The following EMSY variants were observed in gnomAD, a reference collection of about 807,000 sequenced individuals.
The protein encoded by EMSY is EMSY transcriptional repressor, BRCA2 interacting.
EMSY carries 26 observed loss-of-function variants against 134.6 expected under a neutral mutation model. The observed-to-expected ratio is 0.19, with a 90% CI of 0.14 to 0.27. The LOEUF (loss-of-function observed/expected upper bound fraction) is 0.27. Among genes scored for constraint, EMSY ranks in the 10% least tolerant of loss-of-function variants. EMSY has a pLI of 1.00. For synonymous variants in EMSY, 579 were observed against 577.8 expected, an observed-to-expected ratio of 1.00 and a Z score of -0.03; for missense variants, 1,305 against 1,611.4, an observed-to-expected ratio of 0.81 and a Z score of 3.26.
intron 8 of EMSY, among the ~76,000 whole-genome samples, chr11:76,482,446 A>G (rs1409951222): frequency 6.6e-6 from 1 of 152,026 alleles, no homozygotes; most frequent in Admixed American, 6.6e-5. Flanking sequence ...ATATTAACAA[A>G]CCTCCCCGAG....
At chr11:76,498,625 A>G (rs1949739334) in intron 9 of EMSY, among the ~76,000 whole-genome samples, 1 of 152,108 alleles carries the variant, frequency 6.6e-6, no homozygotes, top group South Asian at 2.1e-4. Context: ...TTAAATATAA[A>G]GGCTGATTTT....
At chr11:76,493,632 C>G (rs979649797) in intron 8 of EMSY, among the ~76,000 whole-genome samples, 4 of 152,196 alleles carry the variant, frequency 2.6e-5, no homozygotes, top group African/African-American at 9.6e-5. Context: ...AAAGGAGCTA[C>G]CCACTGTGGG....
At position 76,525,285 on chromosome 11, in the gene EMSY, G is replaced by C. The variant is rs565940922; in HGVS notation, c.1822-1177G>C. On this transcript the variant is annotated intron_variant, in intron 12 of 20. Transcript: ENST00000334736. Reference sequence around the variant, plus strand: ...GAAGAGTATGCATGTGTTGAAATAAGTAATAACACCATTGGCAGATGCTTC... The same window carrying C: ...GAAGAGTATGCATGTGTTGAAATAACTAATAACACCATTGGCAGATGCTTC... 3.0e-4 allele frequency among the ~76,000 whole-genome samples: 46 copies of C among 152,324 alleles called. 1 individual carries two copies. Among genetic ancestry groups the C allele is most frequent in the South Asian group, 6.2e-4 (3 of 4,824 alleles).
chr11:76,459,862 A>G, intron 5 of EMSY, 71 bp from the exon 7 acceptor site: 1 of 1,564,834 alleles, frequency 6.4e-7, no homozygotes, highest in Non-Finnish European at 8.7e-7. Context: ...GCCTGCAATA[A>G]AAATAATTTT....
At chr11:76,494,539 A>T (rs886264220) in intron 8 of EMSY, among the ~76,000 whole-genome samples, 3 of 152,182 alleles carry the variant, frequency 2.0e-5, no homozygotes, top group African/African-American at 7.2e-5. Flanking sequence ...CAGAACATAC[A>T]TGTTACTAGT....
intron 9 of EMSY, among the ~76,000 whole-genome samples, chr11:76,506,041 C>T (rs1338067344): frequency 6.6e-6 from 1 of 151,924 alleles, no homozygotes; most frequent in Non-Finnish European, 1.5e-5. Flanking sequence ...GTGGCATATG[C>T]TTGTAGTCTC....
intron 7 of EMSY, among the ~76,000 whole-genome samples, chr11:76,471,289 T>C (rs1007024169): frequency 2.0e-5 from 3 of 152,182 alleles, no homozygotes; most frequent in Non-Finnish European, 4.4e-5. Flanking sequence ...AGTTCTCATA[T>C]ACTCTGCACC....
At chr11:76,464,220 TC>T in intron 7 of EMSY, 140 bp downstream of exon 8, 1 of 1,093,184 alleles carries the variant, frequency 9.1e-7, no homozygotes, top group Non-Finnish European at 1.3e-6. Flanking sequence ...TGTTTAATTT[TC>T]CAGATAAGGC....
At chr11:76,456,452 C>T (rs1253974392) in intron 4 of EMSY, among the ~76,000 whole-genome samples, 11 of 151,800 alleles carry the variant, frequency 7.2e-5, no homozygotes, top group Admixed American at 7.2e-4. Flanking sequence ...GTGTAGATGT[C>T]ACTTAATTTG....
chr11:76,459,792 T>A (rs533752439), intron 5 of EMSY, 141 bp from the exon 7 acceptor site: 2 of 816,508 alleles, frequency 2.4e-6, no homozygotes, highest in African/African-American at 3.4e-5. Flanking sequence ...CCTTTTAATC[T>A]GTGGACCTAA....
Position 76,458,177 on chromosome 11 carries a change from GT to G in EMSY, c.246-3del. The G allele has an allele frequency of 6.3e-7, 1 of 1,594,136 alleles. No individual in the cohort carries two copies. The highest frequency in any genetic ancestry group is 1.1e-5 in the South Asian group (1 of 87,428). ...CCCTTGTAGCAGCGCTTTCTTTTTTGTTTAGTATGTCTGGACCTAATAGCTC... is the reference window on the plus strand; with the variant it reads ...CCCTTGTAGCAGCGCTTTCTTTTTTGTTAGTATGTCTGGACCTAATAGCTC... On this transcript the variant is annotated splice_polypyrimidine_tract_variant and splice_region_variant and intron_variant, in intron 4 of 20. Transcript: ENST00000334736.
At chr11:76,549,870 T>G (rs563258068) in intron 20 of EMSY, 82 bp from the exon 22 acceptor site, 3 of 1,303,464 alleles carry the variant, frequency 2.3e-6, no homozygotes, top group African/African-American at 3.0e-5. Context: ...GTTTTCTTTT[T>G]TTTTTTTTTC....
intron 10 of EMSY, 127 bp downstream of exon 11, chr11:76,513,662 T>C (rs1429274008): frequency 8.3e-6 from 8 of 966,664 alleles, no homozygotes; most frequent in Admixed American, 2.8e-5. Context: ...GAGGCCTTTC[T>C]TGATTCTCAC....
chr11:76,447,123 G>T, intron 2 of EMSY, 115 bp downstream of exon 2: 3 of 962,376 alleles, frequency 3.1e-6, no homozygotes, highest in Non-Finnish European at 3.1e-6. Context: ...AAATTCTTTG[G>T]AGATACAGTT....
At chr11:76,503,379 A>G (rs1232727033) in intron 9 of EMSY, among the ~76,000 whole-genome samples, 1 of 151,966 alleles carries the variant, frequency 6.6e-6, no homozygotes, top group Non-Finnish European at 1.5e-5. Context: ...CTACAAACCA[A>G]TGGTAATCAA....
intron 11 of EMSY, among the ~76,000 whole-genome samples, chr11:76,519,634 T>G (rs554834907): frequency 1.3e-5 from 2 of 152,268 alleles, no homozygotes; most frequent in South Asian, 4.1e-4. Flanking sequence ...CAAAGCAACA[T>G]AAAACATTAC....
chr11:76,514,331 T>C (rs1277445246), intron 10 of EMSY, among the ~76,000 whole-genome samples: 1 of 152,188 alleles, frequency 6.6e-6, no homozygotes, highest in Admixed American at 6.5e-5. Context: ...TATGACTCTT[T>C]AACCAAACTT....
At chr11:76,552,052 A>C (rs993010763), downstream of EMSY, 5 of 152,244 alleles carry the variant, frequency 3.3e-5, no homozygotes, top group Admixed American at 2.0e-4. Context: ...ATGGCAAATA[A>C]AAGTGCTATC....
At chr11:76,468,604 T>C (rs1330125969) in intron 7 of EMSY, among the ~76,000 whole-genome samples, 2 of 152,240 alleles carry the variant, frequency 1.3e-5, no homozygotes, top group Non-Finnish European at 2.9e-5. Flanking sequence ...TCACAAATCC[T>C]GTATAAGGCA....
Sources: gnomAD v4.1 joint callset for allele counts (sites outside exome capture counted in the v4.1 genomes callset) on GRCh38, gnomAD v4.1.1 for gene constraint, MANE v1.5 for transcripts, NCBI Gene and HGNC (gene_info 2026-07-23, HGNC 2026-07-21) for gene names.